The following TMEM233 variants were observed in gnomAD, a reference collection of about 807,000 sequenced individuals.
The protein encoded by TMEM233 is transmembrane protein 233, also known as dispanin subfamily B member 2.
TMEM233 carries 6 observed loss-of-function variants against 11.2 expected under a neutral mutation model. The ratio of observed to expected loss-of-function variants is 0.54; its 90% CI spans 0.29 to 1.06. TMEM233 has a LOEUF of 1.06. Ranked by LOEUF, TMEM233 falls within the 50% of genes least tolerant of loss-of-function variation. The probability of loss-of-function intolerance (pLI) is 0.08; values close to 1 mark genes in which losing one functional copy is unlikely to be tolerated. For missense variants in TMEM233, 127 were observed against 144.7 expected (o/e 0.88, Z 0.63); for synonymous variants, 59 against 55.8 (o/e 1.06, Z -0.26).
chr12:119,621,163 T>C (rs1449236361), intron 1 of TMEM233, among the ~76,000 whole-genome samples: 1 of 149,616 alleles, frequency 6.7e-6, no homozygotes, highest in African/African-American at 2.5e-5. Flanking sequence ...TCCTCCCACC[T>C]CAGCATCCCC....
At chr12:119,601,868 G>C (rs1011245142) in intron 1 of TMEM233, among the ~76,000 whole-genome samples, 5 of 152,110 alleles carry the variant, frequency 3.3e-5, no homozygotes, top group Admixed American at 6.5e-5. Flanking sequence ...AAAAAGAAGG[G>C]AGTAAGTCAA....
At chr12:119,627,824 G>A (rs977813578) in intron 1 of TMEM233, among the ~76,000 whole-genome samples, 6 of 152,164 alleles carry the variant, frequency 3.9e-5, no homozygotes, top group African/African-American at 1.4e-4. Flanking sequence ...CTCTCCATAA[G>A]ACATGCTCAC....
chr12:119,605,012 T>TTTG (rs1566098523), intron 1 of TMEM233, among the ~76,000 whole-genome samples: 1 of 151,472 alleles, frequency 6.6e-6, no homozygotes, highest in Non-Finnish European at 1.5e-5. Flanking sequence ...TTTTTTTTTT[T>TTTG]GCCACGGGTG....
At chr12:119,625,921 C>A (rs1374725431) in intron 1 of TMEM233, among the ~76,000 whole-genome samples, 1 of 152,054 alleles carries the variant, frequency 6.6e-6, no homozygotes. Flanking sequence ...CCAATTATCC[C>A]GAAGATATCT....
At chr12:119,630,681 A>G (rs773990527) in intron 2 of TMEM233, among the ~76,000 whole-genome samples, 2 of 152,246 alleles carry the variant, frequency 1.3e-5, no homozygotes, top group Non-Finnish European at 2.9e-5. Context: ...AGAATCCCAC[A>G]TGGGCTTTTT....
Position 119,629,720 on chromosome 12 carries a change from C to G in TMEM233, c.187-16C>G. The G allele has an allele frequency of 6.5e-7, 1 of 1,546,298 alleles. No individual in the cohort carries two copies. Among genetic ancestry groups the G allele is most frequent in the East Asian group, 2.4e-5 (1 of 40,882 alleles). ...GGGTTATCTGTCATCACCAGCTCTTCCCTTCTGTCCCCCAGTCTCTGAACA... is the reference window on the plus strand; with the variant it reads ...GGGTTATCTGTCATCACCAGCTCTTGCCTTCTGTCCCCCAGTCTCTGAACA... On this transcript the variant is annotated splice_polypyrimidine_tract_variant and intron_variant, in intron 1 of 2. Coordinates refer to ENST00000426426, the MANE Select transcript of TMEM233 (RefSeq NM_001136534.3).
chr12:119,617,985 A>T (rs1222093811), intron 1 of TMEM233, among the ~76,000 whole-genome samples: 1 of 152,198 alleles, frequency 6.6e-6, no homozygotes, highest in Non-Finnish European at 1.5e-5. Context: ...ACAGGCCTGG[A>T]GGCCTAGGAG....
intron 1 of TMEM233, among the ~76,000 whole-genome samples, chr12:119,629,234 AC>A (rs1457416698): frequency 6.6e-5 from 10 of 152,022 alleles, no homozygotes; most frequent in African/African-American, 2.2e-4. Flanking sequence ...ATGTGGTAAA[AC>A]CCTGTCTCTA....
intron 1 of TMEM233, among the ~76,000 whole-genome samples, chr12:119,629,186 G>A (rs1037810080): frequency 3.3e-5 from 5 of 152,194 alleles, no homozygotes; most frequent in Non-Finnish European, 2.9e-5. Context: ...AAGGTGGATG[G>A]ATTACTTGAG....
intron 1 of TMEM233, among the ~76,000 whole-genome samples, chr12:119,605,477 G>C (rs1349711967): frequency 7.3e-6 from 1 of 137,300 alleles, no homozygotes; most frequent in African/African-American, 2.7e-5. Context: ...GCACAGGCTG[G>C]AGTGCAGTGG....
At chr12:119,603,091 C>A (rs1447410837) in intron 1 of TMEM233, among the ~76,000 whole-genome samples, 1 of 151,442 alleles carries the variant, frequency 6.6e-6, no homozygotes, top group Non-Finnish European at 1.5e-5. Context: ...CCCGTCCCTA[C>A]AAAAATAAAA....
intron 1 of TMEM233, among the ~76,000 whole-genome samples, chr12:119,613,891 T>C (rs1954463615): frequency 6.6e-6 from 1 of 151,816 alleles, no homozygotes; most frequent in Non-Finnish European, 1.5e-5. Flanking sequence ...GAGCAGATGC[T>C]GGCCACACGA....
chr12:119,649,312 A>G, the TMEM233 span, among the ~76,000 whole-genome samples: 1 of 152,166 alleles, frequency 6.6e-6, no homozygotes, highest in Non-Finnish European at 1.5e-5. Context: ...AAAACAGAAG[A>G]AAAGAAAAAG....
intron 2 of TMEM233, among the ~76,000 whole-genome samples, chr12:119,640,050 C>A (rs1341149078): frequency 6.6e-6 from 1 of 152,244 alleles, no homozygotes; most frequent in African/African-American, 2.4e-5. Flanking sequence ...GGAGAACTTA[C>A]ACCAAACTGC....
At chr12:119,636,688 C>T (rs1954974415) in intron 2 of TMEM233, among the ~76,000 whole-genome samples, 1 of 152,148 alleles carries the variant, frequency 6.6e-6, no homozygotes, top group Non-Finnish European at 1.5e-5. Context: ...AGCGGAACGT[C>T]CTTAGCAGCA....
intron 1 of TMEM233, among the ~76,000 whole-genome samples, chr12:119,596,122 A>G (rs1332178109): frequency 6.6e-6 from 1 of 152,030 alleles, no homozygotes; most frequent in African/African-American, 2.4e-5. Flanking sequence ...TCCTCTCCCC[A>G]TATATCCGGT....
In TMEM233 at chr12:119,595,367, G is replaced by A. The variant is rs1285075534; in HGVS notation, c.186+1333G>A. On this transcript the variant is annotated intron_variant, in intron 1 of 2. Transcript: ENST00000426426. The surrounding 1 kb of genome is among the most constrained non-coding windows in gnomAD (Gnocchi z 4.3). ...TAGCCACCCGTCCCCCATCAAGTCCGCCCACACTTGCCCACGGGTGGTGGC... is the reference window on the plus strand; with the variant it reads ...TAGCCACCCGTCCCCCATCAAGTCCACCCACACTTGCCCACGGGTGGTGGC... Among the ~76,000 whole-genome samples the A allele has an allele frequency of 6.6e-6, 1 of 152,202 alleles. No homozygotes were observed. The highest frequency in any genetic ancestry group is 6.5e-5 in the Admixed American group (1 of 15,286).
intron 1 of TMEM233, among the ~76,000 whole-genome samples, chr12:119,624,955 T>C (rs1312559764): frequency 1.3e-5 from 2 of 152,212 alleles, no homozygotes; most frequent in African/African-American, 2.4e-5. Context: ...ATTTTTTTTT[T>C]ACTACCCAGG....
chr12:119,633,629 G>A (rs1954925966), intron 2 of TMEM233, among the ~76,000 whole-genome samples: 1 of 152,006 alleles, frequency 6.6e-6, no homozygotes, highest in South Asian at 2.1e-4. Flanking sequence ...CAAATTTAAA[G>A]GCTTTGTCAT....
Sources: allele counts gnomAD v4.1 joint callset (sites outside exome capture counted in the v4.1 genomes callset), GRCh38; gene constraint gnomAD v4.1.1; non-coding constraint Gnocchi (gnomAD v3.1); transcripts MANE v1.5; gene names NCBI Gene and HGNC (gene_info 2026-07-23, HGNC 2026-07-21).